Variants in RIN2 observed in about 807,000 individuals in gnomAD.
RIN2 encodes RAB5 interacting protein 2.
In RIN2, 36 loss-of-function variants were observed where a neutral mutation model predicts 78.0. The observed-to-expected ratio is 0.46, with a 90% CI of 0.35 to 0.61. The LOEUF is 0.61. Ranked by LOEUF, RIN2 falls within the 20% of genes least tolerant of loss-of-function variation. The probability of loss-of-function intolerance (pLI) is 0.00; values close to 1 mark genes in which losing one functional copy is unlikely to be tolerated. For missense variants in RIN2, 1,087 were observed against 1,159.7 expected, an observed-to-expected ratio of 0.94 and a Z score of 0.91; for synonymous variants, 466 against 466.8, an observed-to-expected ratio of 1.00 and a Z score of 0.02.
At chr20:19,910,985 C>T (rs1188043878) in intron 3 of RIN2, among the ~76,000 whole-genome samples, 1 of 152,220 alleles carries the variant, frequency 6.6e-6, no homozygotes. Context: ...TAACATTTCA[C>T]TGCCCTTGCT....
intron 2 of RIN2, among the ~76,000 whole-genome samples, chr20:19,802,263 G>T (rs60196913): frequency 6.6e-6 from 1 of 152,080 alleles, no homozygotes; most frequent in Non-Finnish European, 1.5e-5. Context: ...GGAGCAGGCC[G>T]GGTGACTTCA....
At chr20:19,987,524 C>T (rs1454805460) in intron 9 of RIN2, among the ~76,000 whole-genome samples, 1 of 152,218 alleles carries the variant, frequency 6.6e-6, no homozygotes, top group Non-Finnish European at 1.5e-5. Flanking sequence ...CTCTGAGCCT[C>T]AGTTTCCCCA....
chr20:19,816,612 G>A (rs2122857349), intron 2 of RIN2, among the ~76,000 whole-genome samples: 1 of 152,314 alleles, frequency 6.6e-6, no homozygotes, highest in South Asian at 2.1e-4. Context: ...GCTTGAGGTG[G>A]AAATGCAAAC....
rs187915095 is a variant in RIN2 at position 19,988,921 on chromosome 20, G to A, written c.1763-1085G>A. 2.8e-3 allele frequency among the ~76,000 whole-genome samples: 396 copies of A among 141,310 alleles called. 1 individual carries two copies. Among genetic ancestry groups the A allele is most frequent in the African/African-American group, 8.3e-3 (330 of 39,718 alleles). 92.7% of individuals were successfully genotyped at this position (141,310 alleles called of 152,430 possible). ...TCTCTTCACACACACACACACACAC[G>A]CGTGCACACACACAGATACATGCAC... On this transcript the variant is annotated intron_variant, in intron 9 of 12. Transcript: ENST00000255006.
intron 2 of RIN2, among the ~76,000 whole-genome samples, chr20:19,842,387 C>CTTTTTTTTTTTTTT (rs139642869): frequency 2.6e-4 from 12 of 46,196 alleles, no homozygotes; most frequent in Non-Finnish European, 3.6e-4. Context: ...CCATCCCTGG[C>CTTTTTTTTTTTTTT]TTTTTTTTTT....
rs551446801 is a variant in RIN2, at chr20:19,858,118, C to CT, written c.-36-31441dup. On this transcript the variant is annotated intron_variant, in intron 2 of 12. Coordinates refer to ENST00000255006, the MANE Select transcript of RIN2 (RefSeq NM_018993.4). ...CAACTCATCCCTTTTTATGGTCTGT[C>CT]TTTTTTTAAAAAAAAATATTAAGAT... is the stretch of plus-strand genomic sequence containing the variant. 2.5e-3 allele frequency among the ~76,000 whole-genome samples: 375 copies of CT among 148,848 alleles called. 1 individual carries two copies. Among genetic ancestry groups the CT allele is most frequent in the African/African-American group, 8.9e-3 (342 of 38,614 alleles).
chr20:19,990,337 C>T (rs925844060), intron 10 of RIN2, 26 bp downstream of exon 10: 15 of 1,586,288 alleles, frequency 9.5e-6, no homozygotes, highest in Admixed American at 6.8e-5. Context: ...GCCCAGGCTT[C>T]GTGCCGCTTC....
intron 3 of RIN2, among the ~76,000 whole-genome samples, chr20:19,906,133 C>T (rs760228627): frequency 1.3e-5 from 2 of 152,228 alleles, no homozygotes; most frequent in African/African-American, 4.8e-5. Flanking sequence ...CTACTTGCCT[C>T]ATACATACAG....
intron 1 of RIN2, among the ~76,000 whole-genome samples, chr20:19,781,237 A>G (rs556749896): frequency 1.3e-5 from 2 of 152,324 alleles, no homozygotes; most frequent in African/African-American, 4.8e-5. Flanking sequence ...ACCCTCCCCA[A>G]TGCAAGAACA....
At chr20:19,886,609 CTTCTTTT>C in intron 2 of RIN2, 2 of 776,392 alleles carry the variant, frequency 2.6e-6, no homozygotes, top group Non-Finnish European at 2.0e-6. Flanking sequence ...TCTTCTTCTT[CTTCTTTT>C]TTTTTTTTTT....
chr20:19,878,378 C>G lies in RIN2; in HGVS notation c.-36-11188C>G, dbSNP rs189554513. 3.3e-5 allele frequency among the ~76,000 whole-genome samples: 5 copies of G among 152,220 alleles called. No individual in the cohort carries two copies. The East Asian group carries it at 7.7e-4, about 24-fold the overall frequency. On this transcript the variant is annotated intron_variant, in intron 2 of 12. Coordinates refer to ENST00000255006, the MANE Select transcript of RIN2 (RefSeq NM_018993.4). Reference sequence around the variant, plus strand: ...AGTGTGGGAGGGAATAAAGGATGCACAGCACTTGGACATGAAGGATGGGGT... The same window carrying G: ...AGTGTGGGAGGGAATAAAGGATGCAGAGCACTTGGACATGAAGGATGGGGT...
At position 19,834,214 on chromosome 20, in the gene RIN2, T is replaced by G. The variant is rs542879687; in HGVS notation, c.-37+34467T>G. On this transcript the variant is annotated intron_variant, in intron 2 of 12. Transcript: ENST00000255006. The stretch of plus-strand genomic sequence containing the variant: ...CTAAATATTCCACCTATAAAGAACA[T>G]GAAATAAACCACTGGCATGAGCAGC... Among the ~76,000 whole-genome samples, 151 of 152,192 alleles carry G rather than the reference T, an allele frequency of 9.9e-4. 1 individual carries two copies. The highest frequency in any genetic ancestry group is 3.5e-3 in the African/African-American group (147 of 41,516).
intron 2 of RIN2, among the ~76,000 whole-genome samples, chr20:19,844,601 CTCTTCTTCT>C (rs1181481041): frequency 0.034 from 4,167 of 122,926 alleles, 190 homozygotes; most frequent in African/African-American, 0.078. Context: ...CTGCTTCTTC[CTCTTCTTCT>C]TCTTCTTCTT....
intron 2 of RIN2, among the ~76,000 whole-genome samples, chr20:19,865,946 C>T (rs909009341): frequency 3.6e-4 from 55 of 151,998 alleles, no homozygotes; most frequent in African/African-American, 9.2e-4. Context: ...TTCCATAGAC[C>T]GGGGTTGTGT....
chr20:19,996,932 G>A, intron 12 of RIN2, 90 bp downstream of exon 12: 5 of 1,315,256 alleles, frequency 3.8e-6, no homozygotes, highest in Non-Finnish European at 5.2e-6. Flanking sequence ...GGTCCCCACT[G>A]TGTTGAATTA....
intron 1 of RIN2, among the ~76,000 whole-genome samples, chr20:19,791,831 G>C (rs1600465764): frequency 6.6e-6 from 1 of 152,236 alleles, no homozygotes; most frequent in Non-Finnish European, 1.5e-5. Context: ...AACTAGCAAG[G>C]CTTTCTTTGC....
rs569872037 is a variant in RIN2, at chr20:19,983,414, C to T, written c.1763-6592C>T. Among the ~76,000 whole-genome samples, 21 of 152,210 alleles carry T rather than the reference C, an allele frequency of 1.4e-4. No homozygotes were observed. The South Asian group carries it at 4.4e-3, about 32-fold the overall frequency. ...AATGACAGAATGACAGTAGTCCCAG[C>T]GTCGTAGGGCTGAAGTGAGGGTTAA... is the stretch of plus-strand genomic sequence containing the variant. On this transcript the variant is annotated intron_variant, in intron 9 of 12. Coordinates refer to ENST00000255006, the MANE Select transcript of RIN2 (RefSeq NM_018993.4).
chr20:19,827,114 T>A (rs2036115880), intron 2 of RIN2, among the ~76,000 whole-genome samples: 1 of 151,996 alleles, frequency 6.6e-6, no homozygotes, highest in Non-Finnish European at 1.5e-5. Flanking sequence ...TAGCTGGGAT[T>A]ACAGGCATGT....
In RIN2 at chr20:19,990,279, A is replaced by G. The variant is rs1568715708; in HGVS notation, c.2036A>G (p.Lys679Arg). Residue 679 changes from lysine (K) to arginine (R), a missense_variant, in exon 10 of 13, where the codon AAG becomes AGG. Around this residue, in one of 8 missense-constraint regions of RIN2, gnomAD observed 97 missense variants for 104.8 expected, o/e 0.93. Coordinates refer to ENST00000255006, the MANE Select transcript of RIN2 (RefSeq NM_018993.4). ...KKVMLLLRVCKLIYTVMENNS... is the reference protein window; with the variant it reads ...KKVMLLLRVCRLIYTVMENNS... ...GTCATGCTGCTGCTGCGGGTCTGCA[A>G]GCTCATTTACACGGTCATGGAGAAC... 6.2e-7 allele frequency: 1 copy of G among 1,613,774 alleles called. No individual in the cohort carries two copies. The highest frequency in any genetic ancestry group is 2.2e-5 in the East Asian group (1 of 44,882).
Sources: allele counts gnomAD v4.1 joint callset (sites outside exome capture counted in the v4.1 genomes callset), GRCh38; gene constraint gnomAD v4.1.1; regional missense constraint gnomAD v4.1.1; transcripts MANE v1.5; gene names NCBI Gene and HGNC (gene_info 2026-07-23, HGNC 2026-07-21).